The following RASSF5 variants were observed in gnomAD, a reference collection of about 807,000 sequenced individuals.
RASSF5 encodes Ras association domain family member 5.
RASSF5 carries 25 observed loss-of-function variants against 40.5 expected under a neutral mutation model. That is an observed-to-expected ratio of 0.62 (90% CI 0.45 to 0.86). The LOEUF (loss-of-function observed/expected upper bound fraction) is 0.86, where lower values mean the gene tolerates loss of function less well. Ranked by LOEUF, RASSF5 falls within the 40% of genes least tolerant of loss-of-function variation. The pLI is 0.00. For synonymous variants in RASSF5, 246 were observed against 252.4 expected, an observed-to-expected ratio of 0.97 and a Z score of 0.24; for missense variants, 521 against 572.8, an observed-to-expected ratio of 0.91 and a Z score of 0.92.
At chr1:206,561,163 G>T (rs183185274) in intron 2 of RASSF5, among the ~76,000 whole-genome samples, 75 of 152,344 alleles carry the variant, frequency 4.9e-4, no homozygotes, top group Non-Finnish European at 7.9e-4. Flanking sequence ...CTTGCAGAAT[G>T]TCAGAGCACC....
At chr1:206,539,275 T>C (rs117672929) in intron 2 of RASSF5, among the ~76,000 whole-genome samples, 1 of 152,280 alleles carries the variant, frequency 6.6e-6, no homozygotes, top group East Asian at 1.9e-4. Flanking sequence ...GTGCTTACAG[T>C]AGGGTAAGGG....
At chr1:206,526,293 T>TGTGTGTGTGTGTGTGTGTG (rs1553397193) in intron 1 of RASSF5, among the ~76,000 whole-genome samples, 28 of 151,444 alleles carry the variant, frequency 1.8e-4, no homozygotes, top group East Asian at 3.9e-4. Flanking sequence ...TGTGTGTGTG[T>TGTGTGTGTGTGTGTGTGTG]TGGAGTTGGG....
In RASSF5 at chr1:206,584,526, G is replaced by A. The variant is rs900661125; in HGVS notation, c.830G>A (p.Arg277Gln). The A allele has an allele frequency of 5.0e-6, 8 of 1,614,128 alleles. No individual in the cohort carries two copies. Among genetic ancestry groups the A allele is most frequent in the African/African-American group, 1.3e-5 (1 of 75,022 alleles). ...AACCTGGCGGCTACCACGGACAAGC[G>A]GACATCCTTCTACCTGCCCCTAGAT... The part of the protein sequence containing the change: ...EVNLAATTDK[R>Q]TSFYLPLDAI... The change falls in exon 4 of 6, where the codon CGG becomes CAG. Residue 277 changes from arginine to glutamine, a missense_variant. Coordinates refer to ENST00000579436, the MANE Select transcript of RASSF5 (RefSeq NM_182663.4). This position sits in a 1 kb window ranked among gnomAD's most constrained non-coding sequence, Gnocchi z 4.9.
In RASSF5 at chr1:206,507,570, C is replaced by A. The variant is rs1359078921; in HGVS notation, c.-33C>A. On this transcript the variant is annotated 5_prime_UTR_variant, in exon 1 of 6. Transcript: ENST00000579436. ...TCGGGAGTAGCGCAGTCGCCAAAGC[C>A]GCCGCTGCCAAAGCTGCCGCCACTA... 4.1e-6 allele frequency: 6 copies of A among 1,453,084 alleles called. No individual in the cohort carries two copies. Among genetic ancestry groups the A allele is most frequent in the Non-Finnish European group, 5.4e-6 (6 of 1,107,032 alleles). 90.0% of individuals were successfully genotyped at this position (1,453,084 alleles called of 1,614,324 possible).
At chr1:206,583,883 C>T (rs1553406909) in intron 3 of RASSF5, among the ~76,000 whole-genome samples, 2 of 152,178 alleles carry the variant, frequency 1.3e-5, no homozygotes, top group African/African-American at 2.4e-5. Flanking sequence ...TCAGCTGGCT[C>T]TTTGGGGTTC....
In RASSF5 at chr1:206,556,979, A is replaced by T. The variant is rs576825451; in HGVS notation, c.579+18686A>T. Among the ~76,000 whole-genome samples, 4 of 139,018 alleles carry T rather than the reference A, an allele frequency of 2.9e-5. No individual in the cohort carries two copies. The East Asian group carries it at 8.0e-4, about 28-fold the overall frequency. 91.2% of individuals were successfully genotyped at this position (139,018 alleles called of 152,430 possible). A position where few individuals can be genotyped will look rare whatever the true frequency, so the allele number is the denominator to read the frequency against. Reference sequence around the variant, plus strand: ...GAAGCAAGTGCATGATGAAGAAAGAACAGAGGGAATGTTCCCCCTCGGGTC... The same window carrying T: ...GAAGCAAGTGCATGATGAAGAAAGATCAGAGGGAATGTTCCCCCTCGGGTC... On this transcript the variant is annotated intron_variant, in intron 2 of 5. Transcript: ENST00000579436.
Position 206,584,306 on chromosome 1 carries a change from C to A in RASSF5, c.691-81C>A. The stretch of plus-strand genomic sequence containing the variant: ...AACTCAAGGAGACAGGTGGGTGCTG[C>A]TGGGGCAATGGCCCCGAGTGGCAGA... On this transcript the variant is annotated intron_variant, in intron 3 of 5. Coordinates refer to ENST00000579436, the MANE Select transcript of RASSF5 (RefSeq NM_182663.4). The surrounding 1 kb of genome is among the most constrained non-coding windows in gnomAD (Gnocchi z 4.9). 1 of 1,386,696 alleles carries A rather than the reference C, an allele frequency of 7.2e-7. No homozygotes were observed. Among genetic ancestry groups the A allele is most frequent in the Non-Finnish European group, 9.8e-7 (1 of 1,016,782 alleles). 85.9% of individuals were successfully genotyped at this position (1,386,696 alleles called of 1,614,324 possible).
chr1:206,530,525 A>G (rs1667211748), intron 1 of RASSF5, among the ~76,000 whole-genome samples: 1 of 152,242 alleles, frequency 6.6e-6, no homozygotes, highest in African/African-American at 2.4e-5. Flanking sequence ...TTCCTGCAGG[A>G]AATTGATACC....
intron 1 of RASSF5, among the ~76,000 whole-genome samples, chr1:206,508,636 A>G (rs1666531551): frequency 6.6e-6 from 1 of 152,052 alleles, no homozygotes; most frequent in South Asian, 2.1e-4. Context: ...GAGAGCCTGA[A>G]GTCACCCTGA....
At chr1:206,550,132 A>G (rs568017449) in intron 2 of RASSF5, among the ~76,000 whole-genome samples, 1 of 152,134 alleles carries the variant, frequency 6.6e-6, no homozygotes, top group South Asian at 2.1e-4. Context: ...AACTGGGAGT[A>G]AATCTAGGGA....
At chr1:206,518,155 T>C (rs1328997091) in intron 1 of RASSF5, among the ~76,000 whole-genome samples, 3 of 152,194 alleles carry the variant, frequency 2.0e-5, no homozygotes, top group South Asian at 2.1e-4. Flanking sequence ...ATTTTTATCT[T>C]ATCAAGCTAA....
intron 1 of RASSF5, among the ~76,000 whole-genome samples, chr1:206,530,001 T>C (rs1290422236): frequency 6.6e-6 from 1 of 152,210 alleles, no homozygotes; most frequent in East Asian, 1.9e-4. Flanking sequence ...TATGAAATAA[T>C]GCATGTAGAA....
chr1:206,559,387 C>A (rs1424644617), intron 2 of RASSF5, among the ~76,000 whole-genome samples: 2 of 152,102 alleles, frequency 1.3e-5, no homozygotes, highest in African/African-American at 4.8e-5. Context: ...AAAAGATAAC[C>A]GTTTCTGATA....
At chr1:206,522,419 C>G (rs570723111) in intron 1 of RASSF5, among the ~76,000 whole-genome samples, 1 of 152,210 alleles carries the variant, frequency 6.6e-6, no homozygotes, top group Non-Finnish European at 1.5e-5. Flanking sequence ...TTGCACTTCT[C>G]TCTGCATGGC....
chr1:206,557,208 G>C (rs1318713072), intron 2 of RASSF5: 1 of 1,051,518 alleles, frequency 9.5e-7, no homozygotes, highest in Non-Finnish European at 1.1e-6. Flanking sequence ...GGAGGCGGGG[G>C]AGGTGCGGAG....
At chr1:206,539,358 G>A (rs1044023312) in intron 2 of RASSF5, among the ~76,000 whole-genome samples, 6 of 152,100 alleles carry the variant, frequency 3.9e-5, no homozygotes, top group Non-Finnish European at 7.4e-5. Context: ...ACTATACTGG[G>A]GGACCCAGGT....
chr1:206,532,949 C>T (rs565039276), intron 1 of RASSF5, among the ~76,000 whole-genome samples: 4 of 152,312 alleles, frequency 2.6e-5, no homozygotes, highest in South Asian at 4.1e-4. Flanking sequence ...TGCAGCCACA[C>T]GGCAGAGGGT....
chr1:206,560,616 C>T lies in RASSF5; in HGVS notation c.579+22323C>T, dbSNP rs945514097. On this transcript the variant is annotated intron_variant, in intron 2 of 5. Coordinates refer to ENST00000579436, the MANE Select transcript of RASSF5 (RefSeq NM_182663.4). This position sits in a 1 kb window ranked among gnomAD's most constrained non-coding sequence, Gnocchi z 5.1. ...CCCACTTGGCTAGGCACAATTAGAT[C>T]GTGTTTCTCTGGGTCAGGCATGTCA... 5.3e-5 allele frequency among the ~76,000 whole-genome samples: 8 copies of T among 152,160 alleles called. No homozygotes were observed. The highest frequency in any genetic ancestry group is 3.8e-4 in the East Asian group (2 of 5,204).
intron 1 of RASSF5, chr1:206,529,334 C>A: frequency 1.3e-6 from 1 of 771,200 alleles, no homozygotes; most frequent in East Asian, 2.5e-5. Context: ...TTAACACCAT[C>A]ACCACTTTGG....
Sources: gnomAD v4.1 joint callset for allele counts (sites outside exome capture counted in the v4.1 genomes callset) on GRCh38, gnomAD v4.1.1 for gene constraint, Gnocchi (gnomAD v3.1) non-coding constraint, MANE v1.5 for transcripts, NCBI Gene and HGNC (gene_info 2026-07-23, HGNC 2026-07-21) for gene names.